RBMS3: variants seen among roughly 807,000 people sequenced by gnomAD.
RBMS3 encodes RNA-binding motif, single-stranded-interacting protein 3.
A neutral mutation model predicts 66.8 loss-of-function variants in RBMS3; 27 were observed. That is an observed-to-expected ratio of 0.40 (90% CI 0.30 to 0.56). The LOEUF (loss-of-function observed/expected upper bound fraction) is 0.56. RBMS3 is among the 20% of genes least tolerant of loss of function. The pLI is 0.40. For synonymous variants in RBMS3, 188 were observed against 183.0 expected, an observed-to-expected ratio of 1.03 and a Z score of -0.22; for missense variants, 513 against 549.5, an observed-to-expected ratio of 0.93 and a Z score of 0.66.
At chr3:29,948,296 C>T (rs1695451672) in intron 12 of RBMS3, among the ~76,000 whole-genome samples, 1 of 151,764 alleles carries the variant, frequency 6.6e-6, no homozygotes, top group African/African-American at 2.4e-5. Context: ...CACTTTCTCA[C>T]ATTGTTTTTG....
chr3:29,482,816 T>G lies in RBMS3; in HGVS notation c.249-5625T>G, dbSNP rs554091951. 1.3e-4 allele frequency among the ~76,000 whole-genome samples: 20 copies of G among 148,642 alleles called. No homozygotes were observed. The East Asian group carries it at 4.2e-3, about 31-fold the overall frequency. On this transcript the variant is annotated intron_variant, in intron 2 of 14. Coordinates refer to ENST00000383767, the MANE Select transcript of RBMS3 (RefSeq NM_001003793.3). ...TCTGCCTCCCAGGTTCAAGTGATTCTCCTGCCTCAGCCTCCTGAATAGCTG... is the reference window on the plus strand; with the variant it reads ...TCTGCCTCCCAGGTTCAAGTGATTCGCCTGCCTCAGCCTCCTGAATAGCTG...
chr3:29,611,862 CAT>C lies in RBMS3; in HGVS notation c.399+24660_399+24661del, dbSNP rs530269270. Among the ~76,000 whole-genome samples, 842 of 152,138 alleles carry C rather than the reference CAT, an allele frequency of 5.5e-3. 6 individuals are homozygous for C. Among genetic ancestry groups the C allele is most frequent in the Non-Finnish European group, 8.0e-3 (546 of 67,952 alleles). On this transcript the variant is annotated intron_variant, in intron 4 of 14. Coordinates refer to ENST00000383767, the MANE Select transcript of RBMS3 (RefSeq NM_001003793.3). ...AGAGGTGATCAATGTTATCAGGTCT[CAT>C]ATGTGGATCCAGACACTTTCTGTAT...
intron 1 of RBMS3, among the ~76,000 whole-genome samples, chr3:29,373,454 C>T (rs1172114013): frequency 6.6e-6 from 1 of 152,144 alleles, no homozygotes; most frequent in Non-Finnish European, 1.5e-5. Flanking sequence ...GGAAATGGAA[C>T]AAATTGAAAC....
chr3:29,432,993 C>G, intron 1 of RBMS3, among the ~76,000 whole-genome samples: 1 of 152,164 alleles, frequency 6.6e-6, no homozygotes, highest in East Asian at 1.9e-4. Context: ...AGGCCACAGT[C>G]AGTTCTATTT....
At chr3:29,918,814 T>G (rs545027941) in intron 10 of RBMS3, among the ~76,000 whole-genome samples, 8 of 152,260 alleles carry the variant, frequency 5.3e-5, no homozygotes, top group Non-Finnish European at 7.4e-5. Flanking sequence ...TTTATTTAAT[T>G]TTTTAAGATG....
chr3:29,559,838 G>A (rs1235336020), intron 3 of RBMS3, among the ~76,000 whole-genome samples: 1 of 152,030 alleles, frequency 6.6e-6, no homozygotes, highest in Non-Finnish European at 1.5e-5. Context: ...CCTAAATAAA[G>A]AGCTTTCTTT....
At chr3:29,421,742 A>C (rs1377799958) in intron 1 of RBMS3, among the ~76,000 whole-genome samples, 5 of 152,212 alleles carry the variant, frequency 3.3e-5, no homozygotes, top group Non-Finnish European at 2.9e-5. Flanking sequence ...AGCTCCTCTC[A>C]GTAGCTAGAA....
intron 1 of RBMS3, among the ~76,000 whole-genome samples, chr3:29,313,144 C>T (rs1345176075): frequency 6.6e-5 from 10 of 151,760 alleles, no homozygotes; most frequent in Non-Finnish European, 1.5e-5. Flanking sequence ...TTATACACAT[C>T]ATTTTTCAAA....
chr3:29,659,723 A>G lies in RBMS3; in HGVS notation c.399+72518A>G, dbSNP rs147920268. Among the ~76,000 whole-genome samples the G allele has an allele frequency of 7.6e-3, 1,154 of 152,220 alleles. 34 individuals carry two copies. Among genetic ancestry groups the G allele is most frequent in the Admixed American group, 0.062 (949 of 15,294 alleles). On this transcript the variant is annotated intron_variant, in intron 4 of 14. Transcript: ENST00000383767. Reference sequence around the variant, plus strand: ...AAATCTCTTTGAGGCCTTGCTTTCGATTTTGGTGGGGGGGTGGTTACAGAG... The same window carrying G: ...AAATCTCTTTGAGGCCTTGCTTTCGGTTTTGGTGGGGGGGTGGTTACAGAG...
chr3:29,486,218 C>T (rs1575974514), intron 2 of RBMS3, among the ~76,000 whole-genome samples: 1 of 152,260 alleles, frequency 6.6e-6, no homozygotes, highest in East Asian at 1.9e-4. Context: ...ACCTGTTTGT[C>T]ATCCTGAGAG....
chr3:29,379,841 C>T (rs541374568), intron 1 of RBMS3, among the ~76,000 whole-genome samples: 1 of 152,254 alleles, frequency 6.6e-6, no homozygotes, highest in East Asian at 1.9e-4. Context: ...ACAAACAACA[C>T]ATTAATAAAT....
At chr3:29,804,944 T>A (rs1203205068) in intron 6 of RBMS3, among the ~76,000 whole-genome samples, 1 of 129,528 alleles carries the variant, frequency 7.7e-6, no homozygotes, top group African/African-American at 2.6e-5. Context: ...TGTGTGTGTG[T>A]GTGTGTGTGT....
intron 3 of RBMS3, among the ~76,000 whole-genome samples, chr3:29,562,705 G>A (rs1299878730): frequency 3.9e-5 from 6 of 152,078 alleles, no homozygotes; most frequent in Non-Finnish European, 5.9e-5. Context: ...AGGATCTGCC[G>A]GTATCACCTT....
intron 1 of RBMS3, among the ~76,000 whole-genome samples, chr3:29,330,871 G>A (rs2035613016): frequency 6.6e-6 from 1 of 152,172 alleles, no homozygotes; most frequent in Non-Finnish European, 1.5e-5. Context: ...TAAATCTGCA[G>A]CACCCGGATG....
intron 14 of RBMS3, among the ~76,000 whole-genome samples, chr3:30,003,606 A>C (rs1438971762): frequency 6.6e-6 from 1 of 151,998 alleles, no homozygotes; most frequent in Non-Finnish European, 1.5e-5. Flanking sequence ...AAGGATCTGT[A>C]AGGAGCTATA....
chr3:29,543,500 G>A (rs2045840482), intron 3 of RBMS3, among the ~76,000 whole-genome samples: 1 of 152,128 alleles, frequency 6.6e-6, no homozygotes, highest in Non-Finnish European at 1.5e-5. Flanking sequence ...CTTGAGCTCA[G>A]GAGTTCCAGA....
intron 1 of RBMS3, among the ~76,000 whole-genome samples, chr3:29,296,134 G>A (rs1467137983): frequency 6.6e-6 from 1 of 151,696 alleles, no homozygotes; most frequent in Non-Finnish European, 1.5e-5. Context: ...AAGCGCTTGG[G>A]GTCAGCAATT....
chr3:29,814,777 T>C (rs979953689), intron 6 of RBMS3, among the ~76,000 whole-genome samples: 2 of 152,142 alleles, frequency 1.3e-5, no homozygotes, highest in African/African-American at 4.8e-5. Flanking sequence ...ACTTAAAGTA[T>C]AATAATAATA....
chr3:29,646,651 C>T (rs1245259761), intron 4 of RBMS3, among the ~76,000 whole-genome samples: 1 of 151,666 alleles, frequency 6.6e-6, no homozygotes, highest in Non-Finnish European at 1.5e-5. Flanking sequence ...GCCATGCCAG[C>T]CAAAGGCTCA....
Sources: allele counts gnomAD v4.1 joint callset (sites outside exome capture counted in the v4.1 genomes callset), GRCh38; gene constraint gnomAD v4.1.1; transcripts MANE v1.5; gene names NCBI Gene and HGNC (gene_info 2026-07-23, HGNC 2026-07-21).